Variants in HACL1 observed in about 807,000 individuals in gnomAD.
HACL1 encodes 2-hydroxyacyl-CoA lyase 1, also known as 1600020H07Rik.
Under a neutral mutation model 74.2 loss-of-function variants are expected in HACL1, and 64 were observed. The ratio of observed to expected loss-of-function variants is 0.86; its 90% CI spans 0.70 to 1.06. The LOEUF is 1.06. Ranked by LOEUF, HACL1 falls within the 50% of genes least tolerant of loss-of-function variation. The pLI is 0.00. For synonymous variants in HACL1, 230 were observed against 238.8 expected, an observed-to-expected ratio of 0.96 and a Z score of 0.34; for missense variants, 728 against 719.7, an observed-to-expected ratio of 1.01 and a Z score of -0.13.
At chr3:15,592,577 CAT>C (rs149313137) in intron 3 of HACL1, among the ~76,000 whole-genome samples, 25 of 135,750 alleles carry the variant, frequency 1.8e-4, no homozygotes, top group South Asian at 1.0e-3. Context: ...CATGTACGCA[CAT>C]GTGTGCGTGT....
intron 2 of HACL1, among the ~76,000 whole-genome samples, chr3:15,597,970 G>A (rs2064099817): frequency 6.6e-6 from 1 of 151,860 alleles, no homozygotes; most frequent in African/African-American, 2.4e-5. Flanking sequence ...GGTAGGAAAT[G>A]TCAAAAGTTG....
intron 9 of HACL1, 30 bp from the exon 10 acceptor site, chr3:15,575,112 C>CT: frequency 9.5e-7 from 1 of 1,052,018 alleles, no homozygotes; most frequent in Non-Finnish European, 1.5e-6. Context: ...GAAAGTATAA[C>CT]TACATTTCTT....
At chr3:15,584,177 A>C (rs2063755846) in intron 7 of HACL1, among the ~76,000 whole-genome samples, 1 of 152,204 alleles carries the variant, frequency 6.6e-6, no homozygotes, top group African/African-American at 2.4e-5. Flanking sequence ...ATTTAGAAGA[A>C]GGCTTACAGA....
chr3:15,572,238 T>TA (rs1221016663), intron 11 of HACL1, among the ~76,000 whole-genome samples: 1 of 152,230 alleles, frequency 6.6e-6, no homozygotes, highest in Non-Finnish European at 1.5e-5. Context: ...AGACTCTTTT[T>TA]TTCTTCCAGT....
intron 6 of HACL1, among the ~76,000 whole-genome samples, chr3:15,585,590 T>G (rs1362230633): frequency 1.3e-5 from 2 of 152,166 alleles, no homozygotes; most frequent in African/African-American, 4.8e-5. Context: ...CTATTACACT[T>G]TAGCTTGGGA....
At chr3:15,574,694 A>G (rs1246570526) in intron 10 of HACL1, among the ~76,000 whole-genome samples, 1 of 152,224 alleles carries the variant, frequency 6.6e-6, no homozygotes, top group African/African-American at 2.4e-5. Flanking sequence ...ACCTTTAAAT[A>G]TACTTGAATT....
Position 15,592,403 on chromosome 3 carries a change from T to C in HACL1, c.228-723A>G, listed in dbSNP as rs936418719. ...ACGTATACACACACGTGTATACATGTAGACACACGTATACACACACGTATG... is the reference window on the plus strand; with the variant it reads ...ACGTATACACACACGTGTATACATGCAGACACACGTATACACACACGTATG... On this transcript the variant is annotated intron_variant, in intron 3 of 16. Transcript: ENST00000321169. Among the ~76,000 whole-genome samples, 8 of 150,494 alleles carry C rather than the reference T, an allele frequency of 5.3e-5. No individual in the cohort carries two copies. The East Asian group carries it at 5.9e-4, about 11-fold the overall frequency.
chr3:15,592,371 C>CATGT (rs1559561472), intron 3 of HACL1, among the ~76,000 whole-genome samples: 1 of 138,648 alleles, frequency 7.2e-6, no homozygotes, highest in African/African-American at 3.3e-5. Context: ...TGTATACATA[C>CATGT]AGACACACGT....
intron 3 of HACL1, 154 bp downstream of exon 3, chr3:15,596,230 T>C (rs2064060677): frequency 1.7e-6 from 1 of 597,684 alleles, no homozygotes; most frequent in Middle Eastern, 4.3e-4. Context: ...ATTCTTTTGA[T>C]GTGGTCCTCA....
chr3:15,563,618 C>T (rs1052393608), intron 15 of HACL1, 74 bp from the exon 16 acceptor site: 1 of 940,066 alleles, frequency 1.1e-6, no homozygotes, highest in Non-Finnish European at 1.6e-6. Flanking sequence ...CTCTGAAATA[C>T]TTCATTAAAA....
chr3:15,562,254 A>C (rs933551090), intron 16 of HACL1, among the ~76,000 whole-genome samples: 2 of 152,160 alleles, frequency 1.3e-5, no homozygotes, highest in Non-Finnish European at 2.9e-5. Flanking sequence ...CCCTCCCTTA[A>C]AACAGTCTGC....
intron 12 of HACL1, among the ~76,000 whole-genome samples, chr3:15,569,827 GAA>G (rs879878013): frequency 9.4e-6 from 1 of 106,616 alleles, no homozygotes; most frequent in Non-Finnish European, 2.0e-5. Context: ...TCTCAAAAAA[GAA>G]AAAAAAAAAA....
intron 11 of HACL1, among the ~76,000 whole-genome samples, chr3:15,572,435 C>T (rs950114407): frequency 1.3e-5 from 2 of 152,178 alleles, no homozygotes; most frequent in African/African-American, 4.8e-5. Context: ...ACCTCCTCCA[C>T]ACCTCAAGCA....
chr3:15,571,487 T>C (rs1232168169), intron 12 of HACL1, among the ~76,000 whole-genome samples, 181 bp downstream of exon 12: 2 of 152,236 alleles, frequency 1.3e-5, no homozygotes, highest in South Asian at 4.1e-4. Flanking sequence ...ATCTTATTTT[T>C]ATGTTACACA....
intron 3 of HACL1, among the ~76,000 whole-genome samples, chr3:15,591,882 A>ATACG (rs1699086980): frequency 6.6e-6 from 1 of 150,686 alleles, no homozygotes; most frequent in South Asian, 2.1e-4. Flanking sequence ...ATACACACAT[A>ATACG]TACGTATATA....
intron 10 of HACL1, 23 bp from the exon 11 acceptor site, chr3:15,573,265 G>T (rs772708387): frequency 1.1e-5 from 15 of 1,402,798 alleles, no homozygotes; most frequent in Non-Finnish European, 1.5e-5. Flanking sequence ...CAAGGCTAAA[G>T]AACAACCCAT....
At chr3:15,594,359 T>C (rs961894667) in intron 3 of HACL1, among the ~76,000 whole-genome samples, 1 of 152,168 alleles carries the variant, frequency 6.6e-6, no homozygotes, top group African/African-American at 2.4e-5. Context: ...TGAGCCGAGA[T>C]GGTGCCACTG....
rs775005229 is a variant in HACL1, at chr3:15,571,675, G to T, written c.1088C>A (p.Ala363Glu). ...LREKMKSNEA[A>E]SKELASKKSL... ...CAGTAGGTCCGATTTTACCTTGGAT[G>T]CAGCTTCATTGCTCTTCATTTTTTC... is the stretch of plus-strand genomic sequence containing the variant. The change falls in exon 12 of 17, where the codon GCA (alanine) becomes GAA (glutamate). Residue 363 changes from alanine to glutamate, a missense_variant. Ala to Glu is a moderately radical substitution (Grantham distance 107, BLOSUM62 -1). Coordinates refer to ENST00000321169, the MANE Select transcript of HACL1 (RefSeq NM_012260.4). 5 of 1,372,784 alleles carry T rather than the reference G, an allele frequency of 3.6e-6. No homozygotes were observed. Among genetic ancestry groups the T allele is most frequent in the Non-Finnish European group, 5.2e-6 (5 of 960,740 alleles). The allele number at this position is 1,372,784 out of a possible 1,614,324, so 85.0% of individuals were successfully genotyped here.
chr3:15,588,804 A>ATTTTTTTTTTTTTTTTTTTTT (rs1553644278), intron 5 of HACL1, among the ~76,000 whole-genome samples: 8 of 149,642 alleles, frequency 5.3e-5, no homozygotes, highest in Non-Finnish European at 1.0e-4. Context: ...GTTTCTTTTA[A>ATTTTTTTTTTTTTTTTTTTTT]TTTTGACATG....
Sources: gnomAD v4.1 joint callset for allele counts (sites outside exome capture counted in the v4.1 genomes callset) on GRCh38, gnomAD v4.1.1 for gene constraint, MANE v1.5 for transcripts, NCBI Gene and HGNC (gene_info 2026-07-23, HGNC 2026-07-21) for gene names.